B3GALT1: variants seen among roughly 807,000 people sequenced by gnomAD.
The protein encoded by B3GALT1 is beta-1,3-galactosyltransferase 1.
A neutral mutation model predicts 23.2 loss-of-function variants in B3GALT1; 10 were observed. That is an observed-to-expected ratio of 0.43 (90% confidence interval 0.27 to 0.73). The LOEUF (loss-of-function observed/expected upper bound fraction) is 0.73, where lower values mean the gene tolerates loss of function less well. B3GALT1 is among the 30% of genes least tolerant of loss of function. B3GALT1 has a pLI of 0.21. For synonymous variants in B3GALT1, 156 were observed against 141.5 expected (o/e 1.10, Z -0.73); for missense variants, 299 against 405.4 (o/e 0.74, Z 2.25).
At chr2:167,781,642 T>C (rs994185001) in intron 3 of B3GALT1, among the ~76,000 whole-genome samples, 2 of 152,184 alleles carry the variant, frequency 1.3e-5, no homozygotes, top group Non-Finnish European at 2.9e-5. Context: ...CTGACCCCCT[T>C]TCCCTCTCAG....
chr2:167,795,963 T>C (rs1479108294), intron 3 of B3GALT1, among the ~76,000 whole-genome samples: 1 of 152,224 alleles, frequency 6.6e-6, no homozygotes, highest in Non-Finnish European at 1.5e-5. Context: ...GGAACTGCCT[T>C]CACTAAATTG....
chr2:167,778,372 G>A (rs1688196474), intron 3 of B3GALT1, among the ~76,000 whole-genome samples: 1 of 150,838 alleles, frequency 6.6e-6, no homozygotes, highest in Non-Finnish European at 1.5e-5. Flanking sequence ...TATACCTTTT[G>A]TCTTCTATTC....
chr2:167,843,221 G>A (rs1195064170), intron 4 of B3GALT1, among the ~76,000 whole-genome samples: 1 of 152,172 alleles, frequency 6.6e-6, no homozygotes, highest in Admixed American at 6.5e-5. Flanking sequence ...AGAGAAAGCT[G>A]ATGTATTTTT....
intron 2 of B3GALT1, among the ~76,000 whole-genome samples, chr2:167,531,512 C>T (rs1683326735): frequency 6.6e-6 from 1 of 152,004 alleles, no homozygotes; most frequent in Non-Finnish European, 1.5e-5. Context: ...GGCATATTTC[C>T]AAGATAGGAA....
At chr2:167,729,798 T>C (rs1337388616) in intron 3 of B3GALT1, among the ~76,000 whole-genome samples, 1 of 152,030 alleles carries the variant, frequency 6.6e-6, no homozygotes, top group Non-Finnish European at 1.5e-5. Context: ...CCAAAAGTCA[T>C]GTGAAGAAGT....
intron 1 of B3GALT1, among the ~76,000 whole-genome samples, chr2:167,486,388 A>T (rs1019346193): frequency 2.7e-5 from 4 of 148,854 alleles, no homozygotes; most frequent in East Asian, 4.0e-4. Context: ...AAAAGAAAAG[A>T]TGCTTTATAT....
chr2:167,828,049 A>G (rs1323535930), intron 4 of B3GALT1, among the ~76,000 whole-genome samples: 1 of 152,184 alleles, frequency 6.6e-6, no homozygotes, highest in Non-Finnish European at 1.5e-5. Context: ...CAGTTGCCTC[A>G]ACAAATATTT....
chr2:167,847,783 C>A (rs1689792188), intron 4 of B3GALT1, among the ~76,000 whole-genome samples: 1 of 151,660 alleles, frequency 6.6e-6, no homozygotes, highest in South Asian at 2.1e-4. Context: ...ACAAAAAATA[C>A]AAAAAATAAA....
intron 3 of B3GALT1, among the ~76,000 whole-genome samples, chr2:167,663,180 A>C (rs996121115): frequency 2.9e-5 from 4 of 139,732 alleles, no homozygotes; most frequent in South Asian, 4.5e-4. Context: ...TCATTGTTCA[A>C]TTCCCACCTA....
intron 1 of B3GALT1, among the ~76,000 whole-genome samples, chr2:167,419,157 G>A (rs978467980): frequency 6.6e-6 from 1 of 152,132 alleles, no homozygotes; most frequent in South Asian, 2.1e-4. Context: ...TAAATGATAA[G>A]AAAATCCATA....
intron 1 of B3GALT1, among the ~76,000 whole-genome samples, chr2:167,375,718 A>G (rs1372060595): frequency 6.6e-6 from 1 of 152,174 alleles, no homozygotes. Context: ...AAAAGTGTTT[A>G]TCAGTTCTAA....
intron 2 of B3GALT1, among the ~76,000 whole-genome samples, chr2:167,608,556 C>G (rs1472715799): frequency 6.6e-6 from 1 of 152,150 alleles, no homozygotes; most frequent in East Asian, 1.9e-4. Flanking sequence ...TAACATATTT[C>G]TTTCAAACAG....
chr2:167,864,574 TA>T (rs775576342), intron 4 of B3GALT1, among the ~76,000 whole-genome samples: 1 of 152,014 alleles, frequency 6.6e-6, no homozygotes, highest in Non-Finnish European at 1.5e-5. Flanking sequence ...AACTTGTTAA[TA>T]AAAAATAAAT....
At chr2:167,642,245 A>AT (rs1228133532) in intron 2 of B3GALT1, among the ~76,000 whole-genome samples, 15 of 151,994 alleles carry the variant, frequency 9.9e-5, no homozygotes, top group African/African-American at 4.8e-5. Context: ...ATAATCAAAT[A>AT]TTTTTCACCA....
At chr2:167,543,251 A>G (rs1377782790) in intron 2 of B3GALT1, among the ~76,000 whole-genome samples, 1 of 152,160 alleles carries the variant, frequency 6.6e-6, no homozygotes, top group East Asian at 1.9e-4. Flanking sequence ...TCATAAATGT[A>G]GTCAATTTAA....
At chr2:167,803,685 T>C (rs1688686944) in intron 3 of B3GALT1, among the ~76,000 whole-genome samples, 2 of 152,168 alleles carry the variant, frequency 1.3e-5, no homozygotes, top group South Asian at 2.1e-4. Flanking sequence ...GTACTTGGCA[T>C]CACTGGCTTC....
At chr2:167,386,316 G>T (rs1697929371) in intron 1 of B3GALT1, among the ~76,000 whole-genome samples, 1 of 151,836 alleles carries the variant, frequency 6.6e-6, no homozygotes, top group Non-Finnish European at 1.5e-5. Flanking sequence ...AAAAAATTCT[G>T]CTTCCCAAAC....
At chr2:167,760,205 C>T (rs1158354658) in intron 3 of B3GALT1, among the ~76,000 whole-genome samples, 2 of 152,292 alleles carry the variant, frequency 1.3e-5, no homozygotes, top group African/African-American at 4.8e-5. Flanking sequence ...TGCTATGCAA[C>T]TGTTTTAGAC....
At chr2:167,643,723 T>C (rs548081788) in intron 2 of B3GALT1, among the ~76,000 whole-genome samples, 1 of 152,346 alleles carries the variant, frequency 6.6e-6, no homozygotes, top group African/African-American at 2.4e-5. Context: ...TTATGAAGTT[T>C]GTTTAAACTG....
Sources: allele counts gnomAD v4.1 joint callset (sites outside exome capture counted in the v4.1 genomes callset), GRCh38; gene constraint gnomAD v4.1.1; transcripts MANE v1.5; gene names NCBI Gene and HGNC (gene_info 2026-07-23, HGNC 2026-07-21).